Variants in VPS13B observed in about 807,000 individuals in gnomAD.
VPS13B encodes intermembrane lipid transfer protein VPS13B.
A neutral mutation model predicts 426.4 loss-of-function variants in VPS13B; 285 were observed. The ratio of observed to expected loss-of-function variants is 0.67; its 90% confidence interval spans 0.61 to 0.74. The LOEUF (loss-of-function observed/expected upper bound fraction) is 0.74, where lower values mean the gene tolerates loss of function less well. Among genes scored for constraint, VPS13B ranks in the 30% least tolerant of loss-of-function variants. The pLI, the probability that VPS13B is intolerant of heterozygous loss-of-function variation, is 0.00. For synonymous variants in VPS13B, 1,676 were observed against 1,676.4 expected (o/e 1.00, Z 0.01); for missense variants, 4,537 against 4,782.6 (o/e 0.95, Z 1.51).
chr8:99,275,602 G>A (rs950847109), intron 19 of VPS13B, among the ~76,000 whole-genome samples: 2 of 152,088 alleles, frequency 1.3e-5, no homozygotes, highest in African/African-American at 4.8e-5. Flanking sequence ...AGTTTGTCAT[G>A]TGTAAATTGG....
chr8:99,831,068 G>GTTTTTTTCTTTTT (rs1815016792), intron 51 of VPS13B, among the ~76,000 whole-genome samples: 1 of 98,168 alleles, frequency 1.0e-5, no homozygotes, highest in East Asian at 3.6e-4. Context: ...GGGAATTGGT[G>GTTTTTTTCTTTTT]TTTTTTTCTT....
At chr8:99,831,790 C>T (rs914257879) in intron 51 of VPS13B, among the ~76,000 whole-genome samples, 4 of 152,168 alleles carry the variant, frequency 2.6e-5, no homozygotes, top group African/African-American at 7.2e-5. Context: ...TAGGATGGCA[C>T]GGTTATATAC....
intron 24 of VPS13B, among the ~76,000 whole-genome samples, chr8:99,475,963 A>C (rs1203988613): frequency 6.6e-6 from 1 of 152,246 alleles, no homozygotes; most frequent in Non-Finnish European, 1.5e-5. Flanking sequence ...GGAGTTACTC[A>C]ATAAATCCTC....
intron 30 of VPS13B, among the ~76,000 whole-genome samples, chr8:99,532,212 C>G (rs541439351): frequency 6.6e-6 from 1 of 152,146 alleles, no homozygotes; most frequent in Non-Finnish European, 1.5e-5. Flanking sequence ...TTTTAAACAT[C>G]GTCAATTGTG....
intron 52 of VPS13B, 92 bp downstream of exon 52, chr8:99,832,744 T>TC: frequency 7.7e-7 from 1 of 1,290,962 alleles, no homozygotes; most frequent in Non-Finnish European, 1.1e-6. Context: ...GTCGCAGGGC[T>TC]CCCCATATGT....
At position 99,709,225 on chromosome 8, in the gene VPS13B, G is replaced by A. The variant is rs1832616705; in HGVS notation, c.6455-7946G>A. Among the ~76,000 whole-genome samples the A allele has an allele frequency of 2.0e-5, 3 of 152,168 alleles. No individual in the cohort carries two copies. The South Asian group carries it at 6.2e-4, about 32-fold the overall frequency. On this transcript the variant is annotated intron_variant, in intron 36 of 61. Transcript: ENST00000357162. ...TTACAGCTGGATAAAATAATTACCTGGATATGCTTTGCTAGCAATGTCATC... is the reference window on the plus strand; with the variant it reads ...TTACAGCTGGATAAAATAATTACCTAGATATGCTTTGCTAGCAATGTCATC...
chr8:99,184,945 G>A (rs374554231), intron 16 of VPS13B, among the ~76,000 whole-genome samples: 18 of 152,268 alleles, frequency 1.2e-4, no homozygotes, highest in African/African-American at 2.2e-4. Flanking sequence ...AGCTGAGATC[G>A]TGCCACTGCA....
chr8:99,770,521 T>C (rs1487720538), intron 40 of VPS13B, among the ~76,000 whole-genome samples: 1 of 152,154 alleles, frequency 6.6e-6, no homozygotes, highest in East Asian at 1.9e-4. Flanking sequence ...TGCAAAAGTA[T>C]GGGCTAGGAA....
At position 99,143,091 on chromosome 8, in the gene VPS13B, C is replaced by A. The variant is rs182397346; in HGVS notation, c.1769C>A (p.Ala590Glu). 20 of 1,613,798 alleles carry A rather than the reference C, an allele frequency of 1.2e-5. No individual in the cohort carries two copies. The highest frequency in any genetic ancestry group is 1.7e-5 in the Non-Finnish European group (20 of 1,179,926). ...GPLDFRLDSSAVHRILKMIVC... is the reference protein window; with the variant it reads ...GPLDFRLDSSEVHRILKMIVC... ...CTTGATTTTCGTTTGGATAGCAGTGCGGTGCATAGGATTTTGAAAATGATT... is the reference window on the plus strand; with the variant it reads ...CTTGATTTTCGTTTGGATAGCAGTGAGGTGCATAGGATTTTGAAAATGATT... The change falls in exon 13 of 62, where the codon GCG becomes GAG. Residue 590 changes from alanine (A) to glutamate (E), a missense_variant. Transcript: ENST00000357162.
At chr8:99,848,384 A>G (rs1816090653) in intron 54 of VPS13B, among the ~76,000 whole-genome samples, 1 of 152,168 alleles carries the variant, frequency 6.6e-6, no homozygotes, top group South Asian at 2.1e-4. Context: ...AGAGCCTGAA[A>G]GTTGTTTGCA....
chr8:99,448,850 G>T (rs1326390395), intron 23 of VPS13B, among the ~76,000 whole-genome samples: 11 of 151,914 alleles, frequency 7.2e-5, no homozygotes, highest in Admixed American at 5.3e-4. Flanking sequence ...TTGTCATTTT[G>T]TTGGTTTCAA....
At chr8:99,641,299 C>T (rs1829348182) in intron 33 of VPS13B, among the ~76,000 whole-genome samples, 1 of 151,934 alleles carries the variant, frequency 6.6e-6, no homozygotes, top group South Asian at 2.1e-4. Flanking sequence ...TTTCTTTGTC[C>T]TTCATAATTT....
At chr8:99,072,087 A>T (rs1167357376) in intron 3 of VPS13B, among the ~76,000 whole-genome samples, 4 of 152,076 alleles carry the variant, frequency 2.6e-5, no homozygotes, top group South Asian at 4.2e-4. Flanking sequence ...GAGCTGGTGT[A>T]CCCAGGCAGC....
At chr8:99,236,463 T>A (rs1410691198) in intron 17 of VPS13B, among the ~76,000 whole-genome samples, 2 of 152,210 alleles carry the variant, frequency 1.3e-5, no homozygotes, top group Non-Finnish European at 2.9e-5. Flanking sequence ...TTGGCCAGGC[T>A]GGTCTTGAAC....
At chr8:99,680,508 T>C (rs571320166) in intron 35 of VPS13B, among the ~76,000 whole-genome samples, 1 of 152,338 alleles carries the variant, frequency 6.6e-6, no homozygotes, top group Admixed American at 6.5e-5. Flanking sequence ...ATTCCATCAT[T>C]CTGTTTCCTG....
At chr8:99,553,699 C>T (rs1180819107) in intron 30 of VPS13B, among the ~76,000 whole-genome samples, 1 of 152,024 alleles carries the variant, frequency 6.6e-6, no homozygotes, top group African/African-American at 2.4e-5. Context: ...GCTTATCCTA[C>T]TTTCCCCAAC....
intron 58 of VPS13B, among the ~76,000 whole-genome samples, chr8:99,866,881 TAA>T (rs1312138983): frequency 6.6e-6 from 1 of 152,090 alleles, no homozygotes; most frequent in Non-Finnish European, 1.5e-5. Flanking sequence ...TCTGTGGTAC[TAA>T]AAGAGTGACC....
At chr8:99,805,364 T>C (rs1387294664) in intron 43 of VPS13B, among the ~76,000 whole-genome samples, 1 of 152,136 alleles carries the variant, frequency 6.6e-6, no homozygotes, top group Admixed American at 6.5e-5. Context: ...CAAAAAAGTA[T>C]TTGGTACCTT....
At chr8:99,315,781 C>T (rs1050403355) in intron 19 of VPS13B, among the ~76,000 whole-genome samples, 9 of 152,018 alleles carry the variant, frequency 5.9e-5, no homozygotes, top group South Asian at 2.1e-4. Flanking sequence ...GGACTACGGG[C>T]GCCTGCCACC....
Sources: gnomAD v4.1 joint callset for allele counts (sites outside exome capture counted in the v4.1 genomes callset) on GRCh38, gnomAD v4.1.1 for gene constraint, MANE v1.5 for transcripts, NCBI Gene and HGNC (gene_info 2026-07-23, HGNC 2026-07-21) for gene names.